Variants in KDM4C observed in about 807,000 individuals in gnomAD.
KDM4C encodes the protein lysine-specific demethylase 4C.
KDM4C carries 81 observed loss-of-function variants against 129.3 expected under a neutral mutation model. That is an observed-to-expected ratio of 0.63 (90% CI 0.52 to 0.75). The LOEUF (loss-of-function observed/expected upper bound fraction) is 0.75, where lower values mean the gene tolerates loss of function less well. Ranked by LOEUF, KDM4C falls within the 30% of genes least tolerant of loss-of-function variation. The probability of loss-of-function intolerance (pLI) is 0.00; values close to 1 mark genes in which losing one functional copy is unlikely to be tolerated. For missense variants in KDM4C, 1,457 were observed against 1,304.0 expected, an observed-to-expected ratio of 1.12 and a Z score of -1.81; for synonymous variants, 573 against 456.1, an observed-to-expected ratio of 1.26 and a Z score of -3.26.
intron 8 of KDM4C, among the ~76,000 whole-genome samples, chr9:6,958,689 T>TTTC: frequency 6.8e-6 from 1 of 148,056 alleles, no homozygotes; most frequent in African/African-American, 2.5e-5. Flanking sequence ...TTTATATGAT[T>TTTC]TTTTTTTTTT....
intron 19 of KDM4C, among the ~76,000 whole-genome samples, chr9:7,142,807 C>T (rs1165533113): frequency 2.0e-5 from 3 of 152,168 alleles, no homozygotes; most frequent in African/African-American, 7.2e-5. Context: ...ACCGTCTCAC[C>T]TGCTTCTCAT....
intron 19 of KDM4C, 76 bp from the exon 20 acceptor site, chr9:7,165,162 G>C (rs996830628): frequency 1.9e-5 from 29 of 1,546,928 alleles, no homozygotes; most frequent in African/African-American, 2.8e-5. Flanking sequence ...ATTGCCAGGA[G>C]TTCATCATTT....
intron 5 of KDM4C, among the ~76,000 whole-genome samples, chr9:6,867,002 T>A (rs1448551116): frequency 7.3e-5 from 2 of 27,248 alleles, no homozygotes; most frequent in African/African-American, 2.7e-4. Context: ...TGTGTGTGTA[T>A]ATATATATAT....
At chr9:7,120,367 GT>G (rs1417638691) in intron 18 of KDM4C, among the ~76,000 whole-genome samples, 1 of 152,118 alleles carries the variant, frequency 6.6e-6, no homozygotes, top group African/African-American at 2.4e-5. Flanking sequence ...AAGCTAGAGA[GT>G]TTTCTTATAA....
intron 5 of KDM4C, among the ~76,000 whole-genome samples, chr9:6,856,460 T>C (rs1188701193): frequency 2.0e-5 from 3 of 152,106 alleles, no homozygotes; most frequent in Non-Finnish European, 4.4e-5. Flanking sequence ...AAAATACTTT[T>C]AGAAATACTC....
At chr9:7,136,905 T>C (rs969331878) in intron 19 of KDM4C, among the ~76,000 whole-genome samples, 4 of 152,228 alleles carry the variant, frequency 2.6e-5, no homozygotes, top group Admixed American at 1.3e-4. Context: ...CCTTTCTAGG[T>C]AAAGAATATT....
intron 19 of KDM4C, among the ~76,000 whole-genome samples, chr9:7,133,255 C>T (rs116889692): frequency 1.4e-4 from 21 of 152,124 alleles, no homozygotes; most frequent in Non-Finnish European, 2.8e-4. Flanking sequence ...TTTATACTAA[C>T]CTTTTCTGGT....
intron 1 of KDM4C, among the ~76,000 whole-genome samples, chr9:6,730,403 C>T (rs562086209): frequency 9.5e-4 from 144 of 152,100 alleles, no homozygotes; most frequent in African/African-American, 3.4e-3. Flanking sequence ...ATCACAAGGT[C>T]AGGAAATCGA....
At chr9:6,858,358 C>G (rs1042818001) in intron 5 of KDM4C, among the ~76,000 whole-genome samples, 1 of 151,726 alleles carries the variant, frequency 6.6e-6, no homozygotes, top group Non-Finnish European at 1.5e-5. Context: ...ACCACCACCA[C>G]GACCACCACC....
At chr9:6,942,315 G>GTGTGTT (rs1409154726) in intron 8 of KDM4C, 33 of 152,034 alleles carry the variant, frequency 2.2e-4, no homozygotes, top group Admixed American at 1.2e-3. Context: ...GTGTGTGTGT[G>GTGTGTT]TGTGTGTTTA....
intron 8 of KDM4C, among the ~76,000 whole-genome samples, chr9:6,900,518 C>A (rs911819626): frequency 6.6e-6 from 1 of 152,186 alleles, no homozygotes; most frequent in Admixed American, 6.5e-5. Flanking sequence ...GCCTGTCATC[C>A]CAGCACTTTG....
chr9:7,049,113 C>T lies in KDM4C; in HGVS notation c.2337C>T (p.Ala779=), dbSNP rs777039615. 2.3e-5 allele frequency: 37 copies of T among 1,612,058 alleles called. No homozygotes were observed. Among genetic ancestry groups the T allele is most frequent in the Non-Finnish European group, 2.8e-5 (33 of 1,178,632 alleles). The change falls in exon 17 of 22, where the codon GCC becomes GCT. Residue 779 remains alanine, a synonymous_variant. Transcript: ENST00000381309. ...GTAGGTGGGCCCATGTCATGTGCGCCGTTGCGGTCCCAGAAGTTCGATTCA... is the reference window on the plus strand; with the variant it reads ...GTAGGTGGGCCCATGTCATGTGCGCTGTTGCGGTCCCAGAAGTTCGATTCA... ...KNNKWAHVMC[A]VAVPEVRFTN...
Position 7,133,088 on chromosome 9 carries a change from G to A in KDM4C, c.2781+4852G>A, listed in dbSNP as rs375865906. On this transcript the variant is annotated intron_variant, in intron 19 of 21. Coordinates refer to ENST00000381309, the MANE Select transcript of KDM4C (RefSeq NM_015061.6). ...GCCAATGTTTTTTTCTCACATAAAG[G>A]CAGTTTGCTTAAATTTTCCAGCCCC... is the stretch of plus-strand genomic sequence containing the variant. Among the ~76,000 whole-genome samples the A allele has an allele frequency of 4.0e-4, 61 of 152,286 alleles. 1 individual carries two copies. The East Asian group carries it at 0.011, about 27-fold the overall frequency.
At chr9:6,757,901 T>C (rs1818531974), upstream of KDM4C, 16 of 985,378 alleles carry the variant, frequency 1.6e-5, no homozygotes, top group Non-Finnish European at 1.8e-5. Context: ...TTTAAGCTGT[T>C]TGTAAGCCCA....
At chr9:6,729,323 T>C (rs1817250396) in intron 1 of KDM4C, among the ~76,000 whole-genome samples, 1 of 131,070 alleles carries the variant, frequency 7.6e-6, no homozygotes, top group African/African-American at 3.3e-5. Flanking sequence ...GGTGGAATGC[T>C]TGAGTACAGG....
intron 11 of KDM4C, chr9:6,986,901 T>C (rs923855333): frequency 2.6e-5 from 11 of 415,660 alleles, no homozygotes; most frequent in Non-Finnish European, 4.7e-5. Context: ...CTTGATTTTC[T>C]TTTTTTTGTT....
At position 6,980,079 on chromosome 9, in the gene KDM4C, C is replaced by T. The variant is rs190813566; in HGVS notation, c.922-846C>T. 1.7e-3 allele frequency among the ~76,000 whole-genome samples: 259 copies of T among 152,224 alleles called. 1 individual carries two copies. The highest frequency in any genetic ancestry group is 5.9e-3 in the African/African-American group (244 of 41,520). ...AAAGTCTTATTGTGTCAAAACTGTT[C>T]AGTCAGTCTGTTACCGGGTATGTTA... On this transcript the variant is annotated intron_variant, in intron 8 of 21. Coordinates refer to ENST00000381309, the MANE Select transcript of KDM4C (RefSeq NM_015061.6).
At chr9:6,999,234 T>C (rs1230593164) in intron 12 of KDM4C, among the ~76,000 whole-genome samples, 2 of 152,268 alleles carry the variant, frequency 1.3e-5, no homozygotes, top group Admixed American at 6.5e-5. Context: ...TGTATTGATG[T>C]AGATTTGCCA....
At chr9:7,000,953 C>G (rs1050919192) in intron 12 of KDM4C, among the ~76,000 whole-genome samples, 1 of 152,136 alleles carries the variant, frequency 6.6e-6, no homozygotes, top group African/African-American at 2.4e-5. Context: ...TTGCCGCTGG[C>G]CAATGAAAAC....
Sources: gnomAD v4.1 joint callset for allele counts (sites outside exome capture counted in the v4.1 genomes callset) on GRCh38, gnomAD v4.1.1 for gene constraint, MANE v1.5 for transcripts, NCBI Gene and HGNC (gene_info 2026-07-23, HGNC 2026-07-21) for gene names.